PARD3: variants seen among roughly 807,000 people sequenced by gnomAD.
PARD3 encodes the protein partitioning defective 3 homolog.
Under a neutral mutation model 155.4 loss-of-function variants are expected in PARD3, and 75 were observed. The observed-to-expected ratio is 0.48, with a 90% confidence interval of 0.40 to 0.58. The LOEUF (loss-of-function observed/expected upper bound fraction) is 0.58, where lower values mean the gene tolerates loss of function less well. Ranked by LOEUF, PARD3 falls within the 20% of genes least tolerant of loss-of-function variation. The pLI is 0.00. For synonymous variants in PARD3, 576 were observed against 610.5 expected (o/e 0.94, Z 0.83); for missense variants, 1,642 against 1,721.7 (o/e 0.95, Z 0.82).
At chr10:34,735,503 T>C (rs2133843628) in intron 1 of PARD3, among the ~76,000 whole-genome samples, 1 of 152,346 alleles carries the variant, frequency 6.6e-6, no homozygotes, top group South Asian at 2.1e-4. Context: ...TCCCTGCTCC[T>C]TGAATGATCT....
At chr10:34,118,958 T>C (rs1946831244) in intron 24 of PARD3, among the ~76,000 whole-genome samples, 1 of 152,238 alleles carries the variant, frequency 6.6e-6, no homozygotes, top group Admixed American at 6.5e-5. Context: ...ATAGTTACTA[T>C]TTCAATGTAC....
At chr10:34,514,368 G>A (rs1429827206) in intron 3 of PARD3, among the ~76,000 whole-genome samples, 12 of 152,130 alleles carry the variant, frequency 7.9e-5, no homozygotes, top group Non-Finnish European at 1.8e-4. Context: ...TTGATAGCAA[G>A]CGCCAGGCCT....
intron 2 of PARD3, among the ~76,000 whole-genome samples, chr10:34,682,976 G>A (rs752454444): frequency 2.0e-5 from 3 of 152,184 alleles, no homozygotes; most frequent in Non-Finnish European, 4.4e-5. Flanking sequence ...GCCGACAACG[G>A]CAACCACAAT....
intron 2 of PARD3, among the ~76,000 whole-genome samples, chr10:34,588,538 TA>T (rs2088323423): frequency 6.6e-6 from 1 of 152,204 alleles, no homozygotes; most frequent in Non-Finnish European, 1.5e-5. Flanking sequence ...AACCTCCATG[TA>T]TGAATTTATT....
intron 1 of PARD3, among the ~76,000 whole-genome samples, chr10:34,750,691 A>ATT (rs10643701): frequency 0.014 from 1,960 of 143,718 alleles, 27 homozygotes; most frequent in Non-Finnish European, 0.02. Flanking sequence ...TGACATAACA[A>ATT]TTTTTTTTTT....
At chr10:34,692,704 T>A (rs974946404) in intron 2 of PARD3, among the ~76,000 whole-genome samples, 1 of 151,964 alleles carries the variant, frequency 6.6e-6, no homozygotes, top group Non-Finnish European at 1.5e-5. Flanking sequence ...ACAAAACCCA[T>A]ATCTACTAAA....
At chr10:34,145,035 C>G (rs1948388916) in intron 22 of PARD3, among the ~76,000 whole-genome samples, 1 of 151,682 alleles carries the variant, frequency 6.6e-6, no homozygotes, top group East Asian at 1.9e-4. Context: ...ATCATTACCA[C>G]TCACTGACAG....
chr10:34,768,114 CT>C (rs1838355001), intron 1 of PARD3, among the ~76,000 whole-genome samples: 1 of 152,144 alleles, frequency 6.6e-6, no homozygotes, highest in Admixed American at 6.5e-5. Flanking sequence ...GGATATTCTA[CT>C]GTCCAAGTTC....
At chr10:34,532,357 C>A (rs1003808967) in intron 2 of PARD3, among the ~76,000 whole-genome samples, 1 of 152,128 alleles carries the variant, frequency 6.6e-6, no homozygotes, top group African/African-American at 2.4e-5. Flanking sequence ...TACACCCAAG[C>A]AGTTCAAACA....
intron 15 of PARD3, among the ~76,000 whole-genome samples, 172 bp from the exon 16 acceptor site, chr10:34,341,988 C>T (rs1836880074): frequency 6.6e-6 from 1 of 152,178 alleles, no homozygotes; most frequent in South Asian, 2.1e-4. Context: ...GATTGTCAAA[C>T]AGAGACCTCG....
chr10:34,262,529 A>C (rs1383858545), intron 22 of PARD3, among the ~76,000 whole-genome samples: 1 of 152,158 alleles, frequency 6.6e-6, no homozygotes, highest in Non-Finnish European at 1.5e-5. Context: ...GCTTCCCAAA[A>C]TGTGGGGATT....
chr10:34,563,342 A>G (rs1342958588), intron 2 of PARD3, among the ~76,000 whole-genome samples: 3 of 152,096 alleles, frequency 2.0e-5, no homozygotes. Flanking sequence ...CTAATGAAAC[A>G]TTTCATGAAT....
chr10:34,624,392 T>TA (rs1371894782), intron 2 of PARD3, among the ~76,000 whole-genome samples: 2 of 152,220 alleles, frequency 1.3e-5, no homozygotes, highest in African/African-American at 4.8e-5. Flanking sequence ...AAGGATCTGT[T>TA]GTGACTAAGG....
At chr10:34,312,480 T>C in intron 20 of PARD3, 1 of 1,139,830 alleles carries the variant, frequency 8.8e-7, no homozygotes, top group East Asian at 2.4e-5. Context: ...AGATGTATAA[T>C]CCAAACTACG....
intron 3 of PARD3, among the ~76,000 whole-genome samples, chr10:34,505,396 T>C (rs540785605): frequency 4.6e-5 from 7 of 152,286 alleles, no homozygotes; most frequent in African/African-American, 1.7e-4. Flanking sequence ...GGAAATCTTT[T>C]GTGTGGGAAA....
At chr10:34,131,820 T>C (rs919434470) in intron 22 of PARD3, among the ~76,000 whole-genome samples, 1 of 152,204 alleles carries the variant, frequency 6.6e-6, no homozygotes, top group African/African-American at 2.4e-5. Context: ...TATTCTTTTT[T>C]TTTTTGCACT....
chr10:34,484,255 G>A (rs1207949991), intron 3 of PARD3, among the ~76,000 whole-genome samples: 1 of 152,176 alleles, frequency 6.6e-6, no homozygotes, highest in Non-Finnish European at 1.5e-5. Flanking sequence ...TGAGCACAAA[G>A]GTGCCCCGAG....
intron 5 of PARD3, among the ~76,000 whole-genome samples, chr10:34,405,079 AACACACACACACAC>A (rs200596601): frequency 1.5e-4 from 9 of 59,420 alleles, no homozygotes; most frequent in Admixed American, 2.8e-4. Context: ...CACAAACACA[AACACACACACACAC>A]ACACACACAC....
chr10:34,492,622 C>T (rs2079993334), intron 3 of PARD3, among the ~76,000 whole-genome samples: 1 of 152,180 alleles, frequency 6.6e-6, no homozygotes, highest in South Asian at 2.1e-4. Flanking sequence ...TACCACATGG[C>T]TATTAAAATG....
Sources: allele counts gnomAD v4.1 joint callset (sites outside exome capture counted in the v4.1 genomes callset), GRCh38; gene constraint gnomAD v4.1.1; transcripts MANE v1.5; gene names NCBI Gene and HGNC (gene_info 2026-07-23, HGNC 2026-07-21).